HDAC9: variants seen among roughly 807,000 people sequenced by gnomAD.
HDAC9 encodes the protein histone deacetylase 9.
A neutral mutation model predicts 139.4 loss-of-function variants in HDAC9; 41 were observed. That is an observed-to-expected ratio of 0.29 (90% confidence interval 0.23 to 0.38). The LOEUF (loss-of-function observed/expected upper bound fraction) is 0.38. HDAC9 is among the 10% of genes least tolerant of loss of function. HDAC9 has a pLI of 1.00. For missense variants in HDAC9, 1,147 were observed against 1,297.0 expected (o/e 0.88, Z 1.78); for synonymous variants, 517 against 476.2 (o/e 1.09, Z -1.12).
At chr7:18,263,799 AGTAGAGATGGG>A (rs1214869313) in intron 2 of HDAC9, among the ~76,000 whole-genome samples, 3 of 151,874 alleles carry the variant, frequency 2.0e-5, no homozygotes, top group Non-Finnish European at 4.4e-5. Flanking sequence ...TCTGTTTTTA[AGTAGAGATGGG>A]GTTTCGCCAT....
At chr7:18,922,847 G>C (rs1009014799) in intron 22 of HDAC9, among the ~76,000 whole-genome samples, 13 of 152,044 alleles carry the variant, frequency 8.6e-5, no homozygotes, top group African/African-American at 3.1e-4. Context: ...AGGTAGACTA[G>C]ATAATTTTCC....
chr7:18,492,374 T>C (rs1183177109), upstream of HDAC9, among the ~76,000 whole-genome samples: 2 of 151,840 alleles, frequency 1.3e-5, no homozygotes, highest in African/African-American at 2.4e-5. Context: ...GCCATACAGG[T>C]TTTTTAATAC....
chr7:18,732,896 C>CACACACGTGTGCGTATGTGTAT (rs1318479220), intron 13 of HDAC9, among the ~76,000 whole-genome samples: 2,033 of 87,348 alleles, frequency 0.023, 321 homozygotes, highest in Non-Finnish European at 0.034. Context: ...TATGTGTACA[C>CACACACGTGTGCGTATGTGTAT]ACACACGTGT....
chr7:18,759,206 C>T (rs1302698544), intron 14 of HDAC9, among the ~76,000 whole-genome samples: 1 of 152,088 alleles, frequency 6.6e-6, no homozygotes, highest in Non-Finnish European at 1.5e-5. Flanking sequence ...CAGCAGGTTT[C>T]TTCTTATCAG....
At chr7:18,772,634 A>C (rs1790411257) in intron 16 of HDAC9, among the ~76,000 whole-genome samples, 1 of 152,020 alleles carries the variant, frequency 6.6e-6, no homozygotes, top group Non-Finnish European at 1.5e-5. Flanking sequence ...CCTCCAGCAC[A>C]ATAAAAGGAT....
Position 18,762,167 on chromosome 7 carries a change from G to A in HDAC9, c.2054G>A (p.Gly685Asp). ...GLLNKCERIQ[G>D]RKASLEEIQL... ...GCTATTTTCTTGCAGCGAATTCAAG[G>A]TCGAAAAGCCAGCCTGGAGGAAATA... The change falls in exon 15 of 26, where the codon GGT becomes GAT. Residue 685 changes from glycine (G) to aspartate (D), a missense_variant. Physicochemically the swap from Gly to Asp is moderately conservative, Grantham distance 94. Transcript: ENST00000686413. The A allele has an allele frequency of 6.2e-7, 1 of 1,613,488 alleles. No homozygotes were observed. Among genetic ancestry groups the A allele is most frequent in the Non-Finnish European group, 8.5e-7 (1 of 1,179,652 alleles).
At chr7:18,320,513 T>C (rs2128634797) in intron 1 of HDAC9, among the ~76,000 whole-genome samples, 2 of 152,302 alleles carry the variant, frequency 1.3e-5, no homozygotes, top group South Asian at 4.1e-4. Flanking sequence ...TCACGTTAAC[T>C]AATCACCAGC....
intron 22 of HDAC9, among the ~76,000 whole-genome samples, chr7:18,881,881 CCTA>C (rs900005292): frequency 8.5e-5 from 13 of 152,104 alleles, no homozygotes; most frequent in African/African-American, 3.1e-4. Flanking sequence ...CTAGAAGTCA[CCTA>C]CCCACCAGGT....
intron 1 of HDAC9, among the ~76,000 whole-genome samples, chr7:18,419,950 C>A (rs1278635661): frequency 6.6e-6 from 1 of 152,060 alleles, no homozygotes; most frequent in African/African-American, 2.4e-5. Flanking sequence ...CCATGAATCT[C>A]GGAGGCCTGC....
At chr7:18,598,402 T>A (rs928198251) in intron 6 of HDAC9, among the ~76,000 whole-genome samples, 2 of 152,160 alleles carry the variant, frequency 1.3e-5, no homozygotes, top group African/African-American at 4.8e-5. Context: ...ATACTAGTTT[T>A]CTCAGAATTG....
intron 2 of HDAC9, among the ~76,000 whole-genome samples, chr7:18,279,306 T>G (rs1452846567): frequency 6.6e-5 from 10 of 152,120 alleles, no homozygotes; most frequent in Non-Finnish European, 1.5e-4. Context: ...TTGTTCTTAC[T>G]AAAGAGTAAA....
chr7:18,227,636 T>C (rs1232549142), intron 2 of HDAC9, among the ~76,000 whole-genome samples: 2 of 152,176 alleles, frequency 1.3e-5, no homozygotes, highest in African/African-American at 2.4e-5. Flanking sequence ...CACCAGAAAG[T>C]CTTTGGCAAA....
rs1355497114 is a variant in HDAC9, at chr7:18,944,645, TCAAC to T, written c.2937+8707_2937+8710del. ...ATCACAGAGATCACATATGTAATGATCAACCAAGAGATAGAGTAATGTCAGCTCT... is the reference window on the plus strand; with the variant it reads ...ATCACAGAGATCACATATGTAATGATCAAGAGATAGAGTAATGTCAGCTCT... On this transcript the variant is annotated intron_variant, in intron 23 of 25. Transcript: ENST00000686413. Among the ~76,000 whole-genome samples, 3 of 152,154 alleles carry T rather than the reference TCAAC, an allele frequency of 2.0e-5. No individual in the cohort carries two copies. In the East Asian group the frequency reaches 5.8e-4, roughly 29 times the overall value.
chr7:18,147,186 C>T (rs115594690), intron 1 of HDAC9, among the ~76,000 whole-genome samples: 83 of 152,116 alleles, frequency 5.5e-4, no homozygotes, highest in African/African-American at 1.8e-3. Context: ...TGTAAATACC[C>T]GCTTGCAAAT....
chr7:18,840,134 C>T (rs561933193), intron 21 of HDAC9, among the ~76,000 whole-genome samples: 1 of 152,054 alleles, frequency 6.6e-6, no homozygotes, highest in East Asian at 1.9e-4. Context: ...GAAATATAAG[C>T]CCCTTCAATT....
chr7:18,415,995 T>G (rs942542692), intron 1 of HDAC9, among the ~76,000 whole-genome samples: 1 of 152,128 alleles, frequency 6.6e-6, no homozygotes, highest in African/African-American at 2.4e-5. Context: ...TGCTAAAATT[T>G]TATTTAGAAT....
intron 1 of HDAC9, among the ~76,000 whole-genome samples, chr7:18,444,304 T>C (rs113033874): frequency 0.038 from 5,074 of 133,316 alleles, 115 homozygotes; most frequent in African/African-American, 0.076. Flanking sequence ...ATGCCAATGC[T>C]GCACTACAGC....
At chr7:18,802,914 C>T (rs1793421074) in intron 17 of HDAC9, among the ~76,000 whole-genome samples, 1 of 151,602 alleles carries the variant, frequency 6.6e-6, no homozygotes. Context: ...AACAGCATTC[C>T]TGGATTTGTT....
rs1193822580 is a variant in HDAC9, at chr7:18,451,429, A to ATG, written c.-41-44815_-41-44814dup. Among the ~76,000 whole-genome samples, 624 of 137,700 alleles carry ATG rather than the reference A, an allele frequency of 4.5e-3. 1 individual carries two copies. Among genetic ancestry groups the ATG allele is most frequent in the South Asian group, 0.017 (75 of 4,352 alleles). The allele number at this position is 137,700 out of a possible 152,430, so 90.3% of individuals were successfully genotyped here. On this transcript the variant is annotated intron_variant, in intron 1 of 3. Coordinates refer to the HDAC9 transcript ENST00000413509. ...TATATGTGTGTGTGTGTGTATATAT[A>ATG]TGTGTGTGTGTGTGTGTGTATATGT...
Sources: allele counts gnomAD v4.1 joint callset (sites outside exome capture counted in the v4.1 genomes callset), GRCh38; gene constraint gnomAD v4.1.1; transcripts MANE v1.5; gene names NCBI Gene and HGNC (gene_info 2026-07-23, HGNC 2026-07-21).